ARHGAP24: variants seen among roughly 807,000 people sequenced by gnomAD.
The protein encoded by ARHGAP24 is rho GTPase-activating protein 24.
In ARHGAP24, 50 loss-of-function variants were observed where a neutral mutation model predicts 76.4. The observed-to-expected ratio is 0.65, with a 90% CI of 0.52 to 0.83. ARHGAP24 has a LOEUF of 0.83. Among genes scored for constraint, ARHGAP24 ranks in the 40% least tolerant of loss-of-function variants. ARHGAP24 has a pLI of 0.00. For missense variants in ARHGAP24, 930 were observed against 914.2 expected (o/e 1.02, Z -0.22); for synonymous variants, 345 against 323.3 (o/e 1.07, Z -0.72).
chr4:85,995,433 G>T lies in ARHGAP24; in HGVS notation c.1779G>T (p.Leu593Phe). 1 of 1,611,238 alleles carries T rather than the reference G, an allele frequency of 6.2e-7. No individual in the cohort carries two copies. The highest frequency in any genetic ancestry group is 8.5e-7 in the Non-Finnish European group (1 of 1,177,860). Reference protein sequence around the residue: ...FFGGNFEDPVLDGPPQDDLSH... With the variant: ...FFGGNFEDPVFDGPPQDDLSH... ...GGGGGAACTTTGAGGACCCTGTTTTGGATGGGCCCCCGCAGGACGACCTTT... is the reference window on the plus strand; with the variant it reads ...GGGGGAACTTTGAGGACCCTGTTTTTGATGGGCCCCCGCAGGACGACCTTT... Residue 593 changes from leucine (L) to phenylalanine (F), a missense_variant, in exon 9 of 10, where the codon TTG becomes TTT. Transcript: ENST00000395184.
intron 2 of ARHGAP24, among the ~76,000 whole-genome samples, chr4:85,590,851 T>C (rs754469891): frequency 5.9e-5 from 9 of 152,068 alleles, no homozygotes; most frequent in Non-Finnish European, 8.8e-5. Flanking sequence ...AACATAAGGA[T>C]CTTCACTTTT....
intron 2 of ARHGAP24, among the ~76,000 whole-genome samples, chr4:85,680,424 G>A (rs538118765): frequency 3.3e-5 from 5 of 152,038 alleles, no homozygotes; most frequent in Non-Finnish European, 7.4e-5. Context: ...AATTGAAATC[G>A]CTTAATACTG....
intron 1 of ARHGAP24, among the ~76,000 whole-genome samples, chr4:85,570,173 G>A (rs772810959): frequency 3.5e-4 from 54 of 152,222 alleles, no homozygotes; most frequent in Non-Finnish European, 5.3e-4. Flanking sequence ...CTCTCTCCAC[G>A]TTTCCTCTGG....
At chr4:85,717,818 A>C (rs1484193471) in intron 2 of ARHGAP24, among the ~76,000 whole-genome samples, 1 of 152,140 alleles carries the variant, frequency 6.6e-6, no homozygotes, top group Non-Finnish European at 1.5e-5. Context: ...TTTGTTTTAA[A>C]ATTATGTACT....
At chr4:85,939,467 T>G (rs1321350459) in intron 4 of ARHGAP24, among the ~76,000 whole-genome samples, 1 of 152,146 alleles carries the variant, frequency 6.6e-6, no homozygotes, top group Admixed American at 6.5e-5. Context: ...AGCCCCAATT[T>G]TCCATGTATA....
Position 85,975,812 on chromosome 4 carries a change from G to A in ARHGAP24, c.806+851G>A, listed in dbSNP as rs559482545. The A allele has an allele frequency of 2.0e-5, 3 of 152,280 alleles. No homozygotes were observed. In the South Asian group the frequency reaches 6.2e-4, roughly 32 times the overall value. 9.4% of individuals were successfully genotyped at this position (152,280 alleles called of 1,614,324 possible). A position where few individuals can be genotyped will look rare whatever the true frequency, so the allele number is the denominator to read the frequency against. On this transcript the variant is annotated intron_variant, in intron 7 of 9. Transcript: ENST00000395184. ...TGTGTTTGGTGTTATGATTAGATAA[G>A]CGTTCAAGGGACTAGGAACTATGAA...
intron 3 of ARHGAP24, among the ~76,000 whole-genome samples, chr4:85,823,663 G>A (rs57343585): frequency 0.1 from 15,935 of 152,122 alleles, 941 homozygotes; most frequent in South Asian, 0.19. Flanking sequence ...GTGTGTTTGG[G>A]GAGGGGGTAC....
At chr4:85,823,596 C>T (rs1729573199) in intron 3 of ARHGAP24, among the ~76,000 whole-genome samples, 1 of 152,192 alleles carries the variant, frequency 6.6e-6, no homozygotes, top group Non-Finnish European at 1.5e-5. Context: ...AGCTGGGTGC[C>T]TGAGGGCCTT....
At chr4:85,660,744 T>A (rs932650226) in intron 2 of ARHGAP24, among the ~76,000 whole-genome samples, 1 of 122,364 alleles carries the variant, frequency 8.2e-6, no homozygotes, top group African/African-American at 3.1e-5. Context: ...TGCAGTGAGC[T>A]GAGATCGCGC....
At chr4:85,593,035 T>C (rs1427646540) in intron 2 of ARHGAP24, among the ~76,000 whole-genome samples, 2 of 152,178 alleles carry the variant, frequency 1.3e-5, no homozygotes, top group Admixed American at 6.5e-5. Context: ...CTCCAAACTG[T>C]TCTCCATAGT....
intron 2 of ARHGAP24, among the ~76,000 whole-genome samples, chr4:85,624,345 A>G (rs1265676934): frequency 1.3e-5 from 2 of 152,044 alleles, no homozygotes; most frequent in East Asian, 3.9e-4. Context: ...TGAGATAATC[A>G]TGTGGTTTTT....
chr4:85,999,047 T>C (rs900167202), intron 9 of ARHGAP24, among the ~76,000 whole-genome samples: 9 of 152,240 alleles, frequency 5.9e-5, no homozygotes, highest in African/African-American at 1.7e-4. Flanking sequence ...TCCAGCACTT[T>C]TATATGTTTG....
chr4:85,595,246 A>T (rs1431463814), intron 2 of ARHGAP24, among the ~76,000 whole-genome samples: 1 of 152,114 alleles, frequency 6.6e-6, no homozygotes, highest in Non-Finnish European at 1.5e-5. Flanking sequence ...GTTCCTTTCC[A>T]TGCAGAGACC....
At chr4:85,996,231 T>C (rs1442460922) in intron 9 of ARHGAP24, among the ~76,000 whole-genome samples, 6 of 152,198 alleles carry the variant, frequency 3.9e-5, no homozygotes, top group Non-Finnish European at 7.3e-5. Flanking sequence ...TTTTCAGCCT[T>C]TGACTTTTAC....
At chr4:85,804,664 C>G (rs1454537803) in intron 3 of ARHGAP24, among the ~76,000 whole-genome samples, 1 of 152,084 alleles carries the variant, frequency 6.6e-6, no homozygotes, top group East Asian at 1.9e-4. Flanking sequence ...TCTGAGAGAC[C>G]TCAATCAATT....
intron 2 of ARHGAP24, among the ~76,000 whole-genome samples, chr4:85,649,391 C>T (rs780043407): frequency 2.0e-5 from 3 of 152,074 alleles, no homozygotes; most frequent in Non-Finnish European, 4.4e-5. Context: ...ACAATGTCAG[C>T]GGTGTTCAAT....
At chr4:85,950,207 T>G (rs1308087138) in intron 5 of ARHGAP24, among the ~76,000 whole-genome samples, 1 of 151,884 alleles carries the variant, frequency 6.6e-6, no homozygotes, top group African/African-American at 2.4e-5. Context: ...AGAAGGCCAC[T>G]GGGGGCAAGA....
intron 1 of ARHGAP24, among the ~76,000 whole-genome samples, chr4:85,478,362 A>G (rs1263042586): frequency 1.3e-5 from 2 of 152,340 alleles, no homozygotes; most frequent in African/African-American, 4.8e-5. Flanking sequence ...ATGGTAACCC[A>G]TCTGTCTTTG....
At chr4:85,598,708 A>G (rs1719925479) in intron 2 of ARHGAP24, among the ~76,000 whole-genome samples, 1 of 151,224 alleles carries the variant, frequency 6.6e-6, no homozygotes, top group Non-Finnish European at 1.5e-5. Context: ...CTTGGATATT[A>G]ATATTTGAAG....
Sources: allele counts gnomAD v4.1 joint callset (sites outside exome capture counted in the v4.1 genomes callset), GRCh38; gene constraint gnomAD v4.1.1; transcripts MANE v1.5; gene names NCBI Gene and HGNC (gene_info 2026-07-23, HGNC 2026-07-21).